Variants in ZBTB20 observed in about 807,000 individuals in gnomAD.
ZBTB20 encodes zinc finger and BTB domain-containing protein 20.
In ZBTB20, 9 loss-of-function variants were observed where a neutral mutation model predicts 56.9. The ratio of observed to expected loss-of-function variants is 0.16; its 90% confidence interval spans 0.10 to 0.28. ZBTB20 has a LOEUF of 0.28. Ranked by LOEUF, ZBTB20 falls within the 10% of genes least tolerant of loss-of-function variation. The pLI is 1.00. For synonymous variants in ZBTB20, 417 were observed against 420.7 expected (o/e 0.99, Z 0.11); for missense variants, 655 against 1,003.0 (o/e 0.65, Z 4.69).
chr3:114,626,651 T>C (rs1037502937), intron 6 of ZBTB20, among the ~76,000 whole-genome samples: 7 of 152,148 alleles, frequency 4.6e-5, no homozygotes, highest in African/African-American at 9.7e-5. Flanking sequence ...GAAAATCTAT[T>C]ATGTGAAATC....
At chr3:114,573,362 T>C (rs2107372093) in intron 6 of ZBTB20, among the ~76,000 whole-genome samples, 1 of 150,868 alleles carries the variant, frequency 6.6e-6, no homozygotes, top group South Asian at 2.1e-4. Flanking sequence ...CGGGAGGCTG[T>C]GGCACAAGAA....
chr3:114,523,499 G>A (rs189701473), intron 6 of ZBTB20, among the ~76,000 whole-genome samples: 3 of 152,150 alleles, frequency 2.0e-5, no homozygotes, highest in African/African-American at 4.8e-5. Flanking sequence ...ATACTGATAG[G>A]AAAGTTTTGA....
intron 6 of ZBTB20, among the ~76,000 whole-genome samples, chr3:114,610,146 C>T (rs748236000): frequency 6.6e-6 from 1 of 152,040 alleles, no homozygotes; most frequent in African/African-American, 2.4e-5. Context: ...CAGTTCTTGC[C>T]CATCAAAGAG....
chr3:115,067,440 G>A (rs2082247118), intron 2 of ZBTB20, among the ~76,000 whole-genome samples: 2 of 150,768 alleles, frequency 1.3e-5, no homozygotes, highest in African/African-American at 2.4e-5. Flanking sequence ...ATCTTTATAC[G>A]GAACATCAAT....
intron 3 of ZBTB20, among the ~76,000 whole-genome samples, chr3:114,947,844 A>C (rs759142660): frequency 2.3e-4 from 34 of 145,774 alleles, no homozygotes; most frequent in Non-Finnish European, 4.6e-4. Flanking sequence ...AAACTTTCTG[A>C]CTCAAATAGT....
At position 114,592,104 on chromosome 3, in the gene ZBTB20, C is replaced by T. The variant is rs529509859; in HGVS notation, c.-294-91713G>A. On this transcript the variant is annotated intron_variant, in intron 6 of 11. Coordinates refer to ENST00000675478, the MANE Select transcript of ZBTB20 (RefSeq NM_001348800.3). ...AGATTATCAAGCCAGAATCCAGGAC[C>T]GACCTCAATAGCATGTCACTTCTAT... 6.6e-5 allele frequency among the ~76,000 whole-genome samples: 10 copies of T among 152,220 alleles called. No homozygotes were observed. The South Asian group carries it at 1.7e-3, about 25-fold the overall frequency.
chr3:114,557,300 T>C (rs1469361372), intron 6 of ZBTB20, among the ~76,000 whole-genome samples: 1 of 151,954 alleles, frequency 6.6e-6, no homozygotes, highest in African/African-American at 2.4e-5. Flanking sequence ...GGAGGGGAAG[T>C]GTTTAAAACA....
intron 2 of ZBTB20, among the ~76,000 whole-genome samples, chr3:114,980,189 A>G (rs922508319): frequency 6.6e-6 from 1 of 152,002 alleles, no homozygotes; most frequent in Admixed American, 6.6e-5. Flanking sequence ...TTTATTTCCC[A>G]AGAGCAGAAT....
intron 1 of ZBTB20, among the ~76,000 whole-genome samples, chr3:115,103,651 CA>C (rs958180815): frequency 6.6e-6 from 1 of 152,034 alleles, no homozygotes; most frequent in Non-Finnish European, 1.5e-5. Context: ...CGTCTACATG[CA>C]AAAAAATAAA....
intron 4 of ZBTB20, among the ~76,000 whole-genome samples, chr3:114,860,305 C>CA (rs10708532): frequency 9.6e-5 from 14 of 146,500 alleles, no homozygotes; most frequent in African/African-American, 2.8e-4. Context: ...GACTCCGTCT[C>CA]AAAAAAAAAA....
intron 6 of ZBTB20, among the ~76,000 whole-genome samples, chr3:114,651,189 G>T (rs1432615888): frequency 3.3e-5 from 5 of 152,008 alleles, no homozygotes; most frequent in African/African-American, 9.7e-5. Flanking sequence ...CATAATTCAG[G>T]TATTAAGTGC....
chr3:115,058,139 C>T (rs371211539), intron 2 of ZBTB20, among the ~76,000 whole-genome samples: 4 of 152,004 alleles, frequency 2.6e-5, no homozygotes, highest in Admixed American at 2.0e-4. Flanking sequence ...TCCCACAACA[C>T]GGGGATTATG....
chr3:114,892,930 A>G (rs1301065529), intron 4 of ZBTB20, among the ~76,000 whole-genome samples: 1 of 152,240 alleles, frequency 6.6e-6, no homozygotes, highest in African/African-American at 2.4e-5. Flanking sequence ...AAAATTAAAA[A>G]TTGGTTGTAG....
chr3:115,022,047 A>G (rs1271929239), intron 2 of ZBTB20, among the ~76,000 whole-genome samples: 2 of 150,710 alleles, frequency 1.3e-5, no homozygotes, highest in African/African-American at 2.4e-5. Flanking sequence ...GAAAAAGTTG[A>G]GACATTTGTT....
intron 5 of ZBTB20, among the ~76,000 whole-genome samples, chr3:114,721,716 T>A (rs1185126396): frequency 6.6e-6 from 1 of 152,180 alleles, no homozygotes; most frequent in Non-Finnish European, 1.5e-5. Flanking sequence ...CTGTTTTTCC[T>A]AGGTACAAGG....
At chr3:114,552,897 T>G (rs894940497) in intron 6 of ZBTB20, among the ~76,000 whole-genome samples, 9 of 152,220 alleles carry the variant, frequency 5.9e-5, no homozygotes, top group Non-Finnish European at 1.0e-4. Context: ...ATTTTTGCCT[T>G]CAGAATTATT....
intron 3 of ZBTB20, among the ~76,000 whole-genome samples, chr3:114,954,637 T>A (rs1392342976): frequency 1.3e-5 from 2 of 152,182 alleles, no homozygotes; most frequent in Non-Finnish European, 2.9e-5. Context: ...CTAAGCAGTG[T>A]GAGTTTAAGT....
chr3:114,742,031 A>G (rs2066636596), intron 5 of ZBTB20, among the ~76,000 whole-genome samples: 1 of 152,210 alleles, frequency 6.6e-6, no homozygotes, highest in African/African-American at 2.4e-5. Context: ...CTGAACTCTT[A>G]GAGTGAGTGA....
intron 5 of ZBTB20, among the ~76,000 whole-genome samples, chr3:114,755,339 C>T (rs551384642): frequency 3.3e-5 from 5 of 152,052 alleles, no homozygotes; most frequent in Non-Finnish European, 5.9e-5. Context: ...GACATAAGGG[C>T]GAGAAATATT....
Sources: gnomAD v4.1 joint callset for allele counts (sites outside exome capture counted in the v4.1 genomes callset) on GRCh38, gnomAD v4.1.1 for gene constraint, MANE v1.5 for transcripts, NCBI Gene and HGNC (gene_info 2026-07-23, HGNC 2026-07-21) for gene names.